AIDA: variants seen among roughly 807,000 people sequenced by gnomAD.
The protein encoded by AIDA is axin interactor, dorsalization-associated protein.
A neutral mutation model predicts 42.7 loss-of-function variants in AIDA; 18 were observed. The observed-to-expected ratio is 0.42, with a 90% CI of 0.29 to 0.63. The LOEUF (loss-of-function observed/expected upper bound fraction) is 0.63. AIDA is among the 20% of genes least tolerant of loss of function. The pLI is 0.19. For synonymous variants in AIDA, 104 were observed against 122.9 expected (o/e 0.85, Z 1.02); for missense variants, 250 against 354.1 (o/e 0.71, Z 2.36).
intron 1 of AIDA, among the ~76,000 whole-genome samples, chr1:222,710,859 C>T (rs538551314): frequency 1.2e-4 from 19 of 152,274 alleles, no homozygotes; most frequent in African/African-American, 3.9e-4. Flanking sequence ...CAAATGAAAT[C>T]ATGTGAAAGT....
intron 6 of AIDA, among the ~76,000 whole-genome samples, chr1:222,685,886 G>C (rs555841818): frequency 1.3e-5 from 2 of 152,206 alleles, no homozygotes; most frequent in African/African-American, 4.8e-5. Flanking sequence ...ATGGCCGGGC[G>C]CAATGGCTCA....
chr1:222,703,320 C>T (rs758018457), intron 1 of AIDA, 103 bp from the exon 2 acceptor site: 4 of 787,632 alleles, frequency 5.1e-6, no homozygotes, highest in Non-Finnish European at 7.7e-6. Context: ...AATTATTGTC[C>T]TGTTTTTAAA....
In AIDA at chr1:222,712,374, G is replaced by A. The variant is rs1427219508; in HGVS notation, c.-57C>T. The A allele has an allele frequency of 1.3e-5, 19 of 1,500,942 alleles. No homozygotes were observed. In the East Asian group the frequency reaches 2.2e-4, roughly 18 times the overall value. The allele number at this position is 1,500,942 out of a possible 1,614,324, so 93.0% of individuals were successfully genotyped here. On this transcript the variant is annotated 5_prime_UTR_variant, in exon 1 of 10. Coordinates refer to ENST00000340020, the MANE Select transcript of AIDA (RefSeq NM_022831.4). Reference sequence around the variant, plus strand: ...TACCCCAGCAAGGCCGGGTTCTAGGGCGCCATCCTCCCCCGGCCTGGCCCC... The same window carrying A: ...TACCCCAGCAAGGCCGGGTTCTAGGACGCCATCCTCCCCCGGCCTGGCCCC...
At chr1:222,703,118 C>CTGA in intron 2 of AIDA, 30 bp downstream of exon 2, 1 of 1,533,594 alleles carries the variant, frequency 6.5e-7, no homozygotes, top group Non-Finnish European at 8.8e-7. Context: ...TGTTTGGAAT[C>CTGA]TGATATATCT....
chr1:222,695,157 G>A (rs1174970344), intron 2 of AIDA, among the ~76,000 whole-genome samples: 2 of 152,216 alleles, frequency 1.3e-5, no homozygotes, highest in African/African-American at 4.8e-5. Flanking sequence ...GGATTTTTTT[G>A]TGTTTTGGTT....
chr1:222,668,212 CT>C lies in AIDA; in HGVS notation c.*1680del, dbSNP rs1327529321. 1 of 148,486 alleles carries C rather than the reference CT, an allele frequency of 6.7e-6. No homozygotes were observed. Among genetic ancestry groups the C allele is most frequent in the Non-Finnish European group, 1.5e-5 (1 of 67,376 alleles). 9.2% of individuals were successfully genotyped at this position (148,486 alleles called of 1,614,324 possible). On this transcript the variant is annotated 3_prime_UTR_variant, in exon 10 of 10. Transcript: ENST00000340020. ...TTTTTTAAGGGATTTTTTTTCAGGTCTTGTCAGCAACATCAAACAAAAGGTA... is the reference window on the plus strand; with the variant it reads ...TTTTTTAAGGGATTTTTTTTCAGGTCTGTCAGCAACATCAAACAAAAGGTA...
At position 222,673,306 on chromosome 1, in the gene AIDA, T is replaced by C; in HGVS notation, c.706+7A>G. The C allele has an allele frequency of 4.4e-6, 7 of 1,602,496 alleles. No homozygotes were observed. Among genetic ancestry groups the C allele is most frequent in the Non-Finnish European group, 6.0e-6 (7 of 1,174,476 alleles). ...TAAGAAGCCAAGTATTATTTAGGAT[T>C]ACAAACCTTTGGTTAATTTTTCAAC... On this transcript the variant is annotated splice_region_variant and intron_variant, in intron 8 of 9. Transcript: ENST00000340020.
intron 1 of AIDA, among the ~76,000 whole-genome samples, chr1:222,710,853 T>C (rs2124973591): frequency 6.6e-6 from 1 of 152,244 alleles, no homozygotes; most frequent in Non-Finnish European, 1.5e-5. Flanking sequence ...CAAGAGCAAA[T>C]GAAATCATGT....
intron 6 of AIDA, among the ~76,000 whole-genome samples, chr1:222,676,781 G>A (rs1297466073): frequency 2.6e-5 from 4 of 151,780 alleles, no homozygotes; most frequent in African/African-American, 4.8e-5. Context: ...TCAGCCTCCC[G>A]AGTACCAGGG....
chr1:222,711,891 G>T, intron 1 of AIDA: 1 of 288,514 alleles, frequency 3.5e-6, no homozygotes, highest in Non-Finnish European at 6.6e-6. Flanking sequence ...CCAAGTGGGG[G>T]ACCCGCGAGA....
At chr1:222,676,252 A>T in intron 6 of AIDA, 34 bp from the exon 7 acceptor site, 2 of 1,584,578 alleles carry the variant, frequency 1.3e-6, no homozygotes, top group Non-Finnish European at 1.7e-6. Flanking sequence ...AAAGCTCCAT[A>T]TCATTTCACA....
At chr1:222,678,167 C>T (rs1664587186) in intron 6 of AIDA, among the ~76,000 whole-genome samples, 1 of 150,370 alleles carries the variant, frequency 6.7e-6, no homozygotes, top group African/African-American at 2.5e-5. Flanking sequence ...TGAGTATCTT[C>T]TAATACATTT....
intron 1 of AIDA, among the ~76,000 whole-genome samples, chr1:222,706,482 A>G (rs186623007): frequency 6.0e-4 from 92 of 152,328 alleles, no homozygotes; most frequent in Admixed American, 2.4e-3. Context: ...AGGTAGTATT[A>G]CACACCAATT....
At chr1:222,711,388 G>A (rs575023150) in intron 1 of AIDA, 1 of 152,340 alleles carries the variant, frequency 6.6e-6, no homozygotes, top group South Asian at 2.1e-4. Flanking sequence ...CTTGTACCCT[G>A]CGGCTATACA....
chr1:222,696,967 G>A (rs1237265253), intron 2 of AIDA, among the ~76,000 whole-genome samples: 1 of 151,934 alleles, frequency 6.6e-6, no homozygotes, highest in Admixed American at 6.6e-5. Context: ...TTAATATACG[G>A]AGTCTCACTC....
chr1:222,694,336 T>G, intron 2 of AIDA, 73 bp from the exon 3 acceptor site: 3 of 1,254,856 alleles, frequency 2.4e-6, no homozygotes, highest in South Asian at 1.3e-5. Context: ...AAGTTAATTT[T>G]TATTAATAAA....
intron 1 of AIDA, among the ~76,000 whole-genome samples, chr1:222,711,195 G>A (rs1656016980): frequency 6.6e-6 from 1 of 152,122 alleles, no homozygotes; most frequent in Non-Finnish European, 1.5e-5. Context: ...TTAATGGCGA[G>A]TTTGCAAACA....
chr1:222,687,446 C>A, intron 5 of AIDA, 149 bp downstream of exon 5: 1 of 702,940 alleles, frequency 1.4e-6, no homozygotes, highest in Non-Finnish European at 2.2e-6. Flanking sequence ...AATAATAATA[C>A]TGAAATAAAA....
Position 222,702,568 on chromosome 1 carries a change from G to A in AIDA, c.180+580C>T, listed in dbSNP as rs910993929. On this transcript the variant is annotated intron_variant, in intron 2 of 9. Transcript: ENST00000340020. ...AATTTAATTCAAGGAGAAAAGGCAC[G>A]ATTGAAACATTTTGCAACCTTACGC... Among the ~76,000 whole-genome samples, 9 of 152,266 alleles carry A rather than the reference G, an allele frequency of 5.9e-5. No individual in the cohort carries two copies. The South Asian group carries it at 1.2e-3, about 21-fold the overall frequency.
Sources: gnomAD v4.1 joint callset for allele counts (sites outside exome capture counted in the v4.1 genomes callset) on GRCh38, gnomAD v4.1.1 for gene constraint, MANE v1.5 for transcripts, NCBI Gene and HGNC (gene_info 2026-07-23, HGNC 2026-07-21) for gene names.